Variants in STK26 observed in about 807,000 individuals in gnomAD.
STK26 encodes the protein serine/threonine-protein kinase 26.
STK26 carries 14 observed loss-of-function variants against 34.7 expected under a neutral mutation model. The observed-to-expected ratio is 0.40, with a 90% CI of 0.27 to 0.63. The LOEUF (loss-of-function observed/expected upper bound fraction) is 0.63, where lower values mean the gene tolerates loss of function less well. Among genes scored for constraint, STK26 ranks in the 30% least tolerant of loss-of-function variants. The pLI is 0.38. For missense variants in STK26, 226 were observed against 309.1 expected (o/e 0.73, Z 2.02); for synonymous variants, 100 against 109.8 (o/e 0.91, Z 0.56).
chrX:132,030,879 C>T (rs992419570), intron 2 of STK26, among the ~76,000 whole-genome samples: 3 of 110,860 alleles, frequency 2.7e-5, no homozygotes, highest in Non-Finnish European at 5.7e-5. Context: ...ATTTTGACCC[C>T]TTCTTTTTTT....
At position 132,074,162 on chromosome X, in the gene STK26, A is replaced by G. The variant is rs1927520515; in HGVS notation, c.*3A>G. The G allele has an allele frequency of 8.3e-7, 1 of 1,202,435 alleles. No individual in the cohort carries two copies. Among genetic ancestry groups the G allele is most frequent in the African/African-American group, 1.8e-5 (1 of 56,695 alleles). On this transcript the variant is annotated 3_prime_UTR_variant, in exon 12 of 12. Coordinates refer to ENST00000394334, the MANE Select transcript of STK26 (RefSeq NM_016542.4). ...GTTCAGCAGACGAATCCCCCTAAGAAACTTATTATTGGCTTCTGTTTCATA... is the reference window on the plus strand; with the variant it reads ...GTTCAGCAGACGAATCCCCCTAAGAGACTTATTATTGGCTTCTGTTTCATA...
At chrX:132,069,410 C>CATATATATATATATATAT (rs57609807) in intron 6 of STK26, 68 bp from the exon 7 acceptor site, 42 of 93,811 alleles carry the variant, frequency 4.5e-4, no homozygotes, top group African/African-American at 1.8e-3. Context: ...CATACATACA[C>CATATATATATATATATAT]ATATATATAT....
chrX:132,069,666 G>A lies in STK26; in HGVS notation c.783+3G>A. ...GCCTGAACAAAGATCCATCATTTGTGAGTATATATTGCTATTATTACTATT... is the reference window on the plus strand; with the variant it reads ...GCCTGAACAAAGATCCATCATTTGTAAGTATATATTGCTATTATTACTATT... On this transcript the variant is annotated splice_donor_region_variant and intron_variant, in intron 7 of 11. Transcript: ENST00000394334. 9.3e-7 allele frequency: 1 copy of A among 1,072,882 alleles called. No homozygotes were observed. Among genetic ancestry groups the A allele is most frequent in the Non-Finnish European group, 1.2e-6 (1 of 819,767 alleles). The allele number at this position is 1,072,882 out of a possible 1,213,427, so 88.4% of individuals were successfully genotyped here. A position where few individuals can be genotyped will look rare whatever the true frequency, so the allele number is the denominator to read the frequency against.
intron 2 of STK26, among the ~76,000 whole-genome samples, chrX:132,026,103 A>G (rs1325727898): frequency 1.8e-5 from 2 of 112,226 alleles, no homozygotes; most frequent in African/African-American, 6.5e-5. Context: ...CCAGAAATAC[A>G]AAGAAAATTA....
chrX:132,060,715 A>C (rs1927024196), intron 3 of STK26, among the ~76,000 whole-genome samples: 1 of 108,482 alleles, frequency 9.2e-6, no homozygotes, highest in Admixed American at 9.9e-5. Context: ...TCCCAGGTTC[A>C]ATTGATCCTC....
At chrX:132,025,533 A>G (rs889776941) in intron 2 of STK26, among the ~76,000 whole-genome samples, 1 of 111,333 alleles carries the variant, frequency 9.0e-6, no homozygotes. Flanking sequence ...TGTGAATCAT[A>G]TACTTTAAAT....
intron 4 of STK26, among the ~76,000 whole-genome samples, chrX:132,064,465 C>G (rs886582188): frequency 2.7e-5 from 3 of 111,868 alleles, no homozygotes; most frequent in African/African-American, 9.7e-5. Flanking sequence ...CTGGTTGTTC[C>G]CCAATTCAGT....
At chrX:132,034,330 G>A (rs868354624) in intron 2 of STK26, among the ~76,000 whole-genome samples, 3 of 56,751 alleles carry the variant, frequency 5.3e-5, no homozygotes, top group Non-Finnish European at 8.9e-5. Context: ...TTTTTGAGAC[G>A]GAGTCTCGCT....
At chrX:132,047,240 G>A (rs750991731) in intron 2 of STK26, among the ~76,000 whole-genome samples, 2 of 111,900 alleles carry the variant, frequency 1.8e-5, no homozygotes, top group Admixed American at 1.9e-4. Context: ...TGAACCTGAA[G>A]TTGTGCAAAG....
chrX:132,072,737 C>T (rs1028996687), intron 9 of STK26, 76 bp from the exon 10 acceptor site: 37 of 1,034,870 alleles, frequency 3.6e-5, no homozygotes, highest in African/African-American at 5.6e-5. Flanking sequence ...CAAATTAGTT[C>T]GTATTTGTTA....
chrX:132,029,680 A>G (rs1379154127), intron 2 of STK26, among the ~76,000 whole-genome samples: 1 of 111,053 alleles, frequency 9.0e-6, no homozygotes, highest in Non-Finnish European at 1.9e-5. Context: ...TAATTCTACC[A>G]TGCCAGTCAC....
At chrX:132,042,300 G>C (rs1421818125) in intron 2 of STK26, among the ~76,000 whole-genome samples, 2 of 111,100 alleles carry the variant, frequency 1.8e-5, no homozygotes, top group African/African-American at 6.5e-5. Context: ...AATATTTAGT[G>C]CTTTTTCCCC....
rs147661265 is a variant in STK26 at position 132,043,300 on chromosome X, T to A, written c.43-11331T>A. Among the ~76,000 whole-genome samples, 986 of 112,321 alleles carry A rather than the reference T, an allele frequency of 8.8e-3. 13 individuals carry two copies. The highest frequency in any genetic ancestry group is 0.014 in the Middle Eastern group (3 of 215). ...TATTTCTGAAAGTACTAGAATGACA[T>A]CCTTTTATTTTCCCTCTAATATGGA... On this transcript the variant is annotated intron_variant, in intron 2 of 11. Coordinates refer to ENST00000394334, the MANE Select transcript of STK26 (RefSeq NM_016542.4).
chrX:132,034,111 C>CATACATATAT (rs1556010796), intron 2 of STK26, among the ~76,000 whole-genome samples: 1 of 94,867 alleles, frequency 1.1e-5, no homozygotes, highest in African/African-American at 3.9e-5. Flanking sequence ...ATAATAAATA[C>CATACATATAT]ATATATATAT....
chrX:132,027,819 G>C (rs189747530), intron 2 of STK26, among the ~76,000 whole-genome samples: 1 of 110,579 alleles, frequency 9.0e-6, no homozygotes, highest in Admixed American at 9.6e-5. Flanking sequence ...GGATTGAGAG[G>C]GGAAGGCAGT....
At position 132,023,512 on chromosome X, in the gene STK26, C is replaced by G. The variant is rs1935029474; in HGVS notation, c.-106C>G. On this transcript the variant is annotated 5_prime_UTR_variant, in exon 2 of 12. Transcript: ENST00000394334. Reference sequence around the variant, plus strand: ...CACTTTTGTGTGTCCTCCCAGGCCCCGATCGAAAAGCCTGGGAGGGCCGCC... The same window carrying G: ...CACTTTTGTGTGTCCTCCCAGGCCCGGATCGAAAAGCCTGGGAGGGCCGCC... The G allele has an allele frequency of 3.0e-6, 3 of 1,002,481 alleles. No individual in the cohort carries two copies. Among genetic ancestry groups the G allele is most frequent in the South Asian group, 2.0e-5 (1 of 49,257 alleles). The allele number at this position is 1,002,481 out of a possible 1,213,427, so 82.6% of individuals were successfully genotyped here. A position where few individuals can be genotyped will look rare whatever the true frequency, so the allele number is the denominator to read the frequency against.
At chrX:132,059,118 G>A (rs1432974130) in intron 3 of STK26, among the ~76,000 whole-genome samples, 2 of 111,402 alleles carry the variant, frequency 1.8e-5, no homozygotes, top group Admixed American at 9.5e-5. Flanking sequence ...ACAGGATTCT[G>A]TTTCATGTAG....
intron 3 of STK26, chrX:132,055,409 C>T: frequency 9.8e-7 from 1 of 1,024,456 alleles, no homozygotes; most frequent in African/African-American, 1.9e-5. Flanking sequence ...AGTGGAATAA[C>T]ATCTGCCTCC....
intron 3 of STK26, among the ~76,000 whole-genome samples, chrX:132,061,856 T>C (rs1433507057): frequency 9.0e-6 from 1 of 111,230 alleles, no homozygotes; most frequent in African/African-American, 3.3e-5. Context: ...CTCCCAGGGA[T>C]TTTTGAGTTT....
Sources: gnomAD v4.1 joint callset for allele counts (sites outside exome capture counted in the v4.1 genomes callset) on GRCh38, gnomAD v4.1.1 for gene constraint, MANE v1.5 for transcripts, NCBI Gene and HGNC (gene_info 2026-07-23, HGNC 2026-07-21) for gene names.